Variants in CFAP70 observed in about 807,000 individuals in gnomAD.
CFAP70 encodes cilia- and flagella-associated protein 70.
In CFAP70, 81 loss-of-function variants were observed where a neutral mutation model predicts 137.6. That is an observed-to-expected ratio of 0.59 (90% confidence interval 0.49 to 0.71). CFAP70 has a LOEUF of 0.71. Ranked by LOEUF, CFAP70 falls within the 30% of genes least tolerant of loss-of-function variation. The pLI is 0.00. For missense variants in CFAP70, 976 were observed against 1,226.7 expected (o/e 0.80, Z 3.05); for synonymous variants, 382 against 423.6 (o/e 0.90, Z 1.20).
At chr10:73,302,432 T>A (rs946252036) in intron 12 of CFAP70, among the ~76,000 whole-genome samples, 4 of 152,168 alleles carry the variant, frequency 2.6e-5, no homozygotes, top group Admixed American at 2.6e-4. Context: ...AGTGTGGTGG[T>A]CATTGATGAG....
At chr10:73,295,372 G>A (rs2048468108) in intron 15 of CFAP70, 1 of 128,066 alleles carries the variant, frequency 7.8e-6, no homozygotes, top group Non-Finnish European at 1.6e-5. Context: ...AGGAAGGGAG[G>A]AAGGGAGGAA....
chr10:73,289,622 A>G (rs111231611), intron 19 of CFAP70, among the ~76,000 whole-genome samples: 4 of 152,184 alleles, frequency 2.6e-5, no homozygotes, highest in African/African-American at 9.7e-5. Flanking sequence ...GAAGAGTAAC[A>G]AAACCAAAAC....
Position 73,275,796 on chromosome 10 carries a change from C to T in CFAP70, c.2521-198G>A. On this transcript the variant is annotated intron_variant, in intron 21 of 26. Coordinates refer to ENST00000310715, the Ensembl canonical transcript of CFAP70. This position sits in a 1 kb window ranked among gnomAD's most constrained non-coding sequence, Gnocchi z 4.0. ...CCATTACCAGCTATTCACCTAGTCA[C>T]CAAATGAAGACATTACCAAGTGAAT... 2.2e-6 allele frequency: 1 copy of T among 464,844 alleles called. No homozygotes were observed. Among genetic ancestry groups the T allele is most frequent in the Admixed American group, 4.3e-5 (1 of 23,372 alleles). The allele number at this position is 464,844 out of a possible 1,614,324, so 28.8% of individuals were successfully genotyped here.
At chr10:73,335,014 G>A (rs2052500796) in intron 7 of CFAP70, among the ~76,000 whole-genome samples, 1 of 148,612 alleles carries the variant, frequency 6.7e-6, no homozygotes, top group African/African-American at 2.5e-5. Flanking sequence ...CTCACAAGTA[G>A]TAAGACTACA....
intron 9 of CFAP70, among the ~76,000 whole-genome samples, chr10:73,321,973 G>A (rs1171069925): frequency 3.9e-5 from 6 of 152,000 alleles, no homozygotes; most frequent in South Asian, 4.1e-4. Context: ...TAGTAGAGAC[G>A]GGTTTTTGCC....
chr10:73,354,481 G>A (rs1008551093), intron 2 of CFAP70, among the ~76,000 whole-genome samples: 4 of 152,112 alleles, frequency 2.6e-5, no homozygotes, highest in Admixed American at 2.0e-4. Flanking sequence ...AAAATTATAC[G>A]TGAACTGCTG....
intron 6 of CFAP70, 43 bp downstream of exon 7, chr10:73,341,356 G>C: frequency 6.6e-7 from 1 of 1,519,574 alleles, no homozygotes; most frequent in Non-Finnish European, 8.9e-7. Context: ...TCATCTGTCA[G>C]TACACTAAGT....
intron 12 of CFAP70, among the ~76,000 whole-genome samples, chr10:73,300,026 C>A (rs1176171598): frequency 6.6e-6 from 1 of 152,162 alleles, no homozygotes. Flanking sequence ...TTTAGAGGCA[C>A]TCAGTAACAT....
At chr10:73,309,795 T>A (rs1218365766) in intron 12 of CFAP70, among the ~76,000 whole-genome samples, 1 of 151,936 alleles carries the variant, frequency 6.6e-6, no homozygotes, top group Non-Finnish European at 1.5e-5. Context: ...TAGCTGAGGT[T>A]ACAGGTGCAT....
At position 73,343,385 on chromosome 10, in the gene CFAP70, G is replaced by A. The variant is rs114439750; in HGVS notation, c.399+1680C>T. ...TCATGGCCCCATGCTCAGGCAGGAC[G>A]GGAAGCTGGAACTAAGACTACTGCA... is the stretch of plus-strand genomic sequence containing the variant. On this transcript the variant is annotated intron_variant, in intron 5 of 26. Coordinates refer to ENST00000310715, the Ensembl canonical transcript of CFAP70. 7.8e-3 allele frequency among the ~76,000 whole-genome samples: 1,181 copies of A among 151,962 alleles called. 14 individuals are homozygous for A. Among genetic ancestry groups the A allele is most frequent in the African/African-American group, 0.027 (1,116 of 41,444 alleles).
intron 8 of CFAP70, 87 bp from the exon 10 acceptor site, chr10:73,323,184 G>A (rs2051034945): frequency 1.5e-6 from 2 of 1,297,358 alleles, no homozygotes; most frequent in East Asian, 2.5e-5. Flanking sequence ...CAAAGGCCTG[G>A]TTTTAGAAAC....
intron 6 of CFAP70, among the ~76,000 whole-genome samples, chr10:73,339,008 C>T (rs956419322): frequency 4.0e-5 from 6 of 151,800 alleles, no homozygotes; most frequent in Non-Finnish European, 8.8e-5. Context: ...CAACCTCCAC[C>T]TCCAGGTTCA....
chr10:73,349,580 G>A (rs1389635402), intron 3 of CFAP70, among the ~76,000 whole-genome samples: 2 of 151,698 alleles, frequency 1.3e-5, no homozygotes, highest in Non-Finnish European at 1.5e-5. Flanking sequence ...GCAAAGAAAA[G>A]CACTGCTCTA....
At chr10:73,346,691 C>T (rs1292550360) in intron 4 of CFAP70, among the ~76,000 whole-genome samples, 1 of 151,832 alleles carries the variant, frequency 6.6e-6, no homozygotes, top group Non-Finnish European at 1.5e-5. Flanking sequence ...TGCTATATCA[C>T]TAGGGATATA....
intron 19 of CFAP70, among the ~76,000 whole-genome samples, chr10:73,289,749 T>C (rs2048024498): frequency 6.6e-6 from 1 of 151,836 alleles, no homozygotes; most frequent in Admixed American, 6.6e-5. Context: ...AAAATCCATA[T>C]TAAAAATAAC....
intron 24 of CFAP70, among the ~76,000 whole-genome samples, chr10:73,270,365 A>G (rs1268601416): frequency 1.3e-5 from 2 of 151,672 alleles, no homozygotes; most frequent in Admixed American, 1.3e-4. Flanking sequence ...TCCCTTCCCC[A>G]GTAAAGTAGC....
intron 19 of CFAP70, among the ~76,000 whole-genome samples, chr10:73,283,129 C>T (rs1176726250): frequency 6.6e-6 from 1 of 152,092 alleles, no homozygotes; most frequent in African/African-American, 2.4e-5. Context: ...CAAGAGCCAC[C>T]ACACCTGGCC....
intron 7 of CFAP70, among the ~76,000 whole-genome samples, chr10:73,332,863 A>T (rs190908269): frequency 4.6e-5 from 7 of 152,358 alleles, no homozygotes; most frequent in African/African-American, 1.7e-4. Context: ...GCTAGCTTCC[A>T]AATTAAAGGG....
At chr10:73,325,675 A>G (rs377279920) in intron 8 of CFAP70, among the ~76,000 whole-genome samples, 1 of 151,534 alleles carries the variant, frequency 6.6e-6, no homozygotes, top group Non-Finnish European at 1.5e-5. Flanking sequence ...AAAAAAGGCA[A>G]GGGTTGCAAT....
Sources: allele counts gnomAD v4.1 joint callset (sites outside exome capture counted in the v4.1 genomes callset), GRCh38; gene constraint gnomAD v4.1.1; non-coding constraint Gnocchi (gnomAD v3.1); transcripts MANE v1.5; gene names NCBI Gene and HGNC (gene_info 2026-07-23, HGNC 2026-07-21).